CD34: variants seen among roughly 807,000 people sequenced by gnomAD.
CD34 encodes hematopoietic progenitor cell antigen CD34.
In CD34, 34 loss-of-function variants were observed where a neutral mutation model predicts 40.1. The ratio of observed to expected loss-of-function variants is 0.85; its 90% CI spans 0.65 to 1.13. The LOEUF (loss-of-function observed/expected upper bound fraction) is 1.13, where lower values mean the gene tolerates loss of function less well. CD34 is among the 50% of genes most tolerant of loss of function. The probability of loss-of-function intolerance (pLI) is 0.00; values close to 1 mark genes in which losing one functional copy is unlikely to be tolerated. For missense variants in CD34, 426 were observed against 466.9 expected (o/e 0.91, Z 0.81); for synonymous variants, 209 against 190.0 (o/e 1.10, Z -0.82).
At chr1:207,900,326 A>T (rs1463709270) in intron 1 of CD34, among the ~76,000 whole-genome samples, 1 of 152,240 alleles carries the variant, frequency 6.6e-6, no homozygotes, top group East Asian at 1.9e-4. Context: ...ATATAATCAT[A>T]TAAACAAACA....
chr1:207,888,033 G>T, intron 7 of CD34, 110 bp from the exon 8 acceptor site: 1 of 1,577,186 alleles, frequency 6.3e-7, no homozygotes, highest in East Asian at 2.3e-5. Context: ...GAAGGGGGAG[G>T]GGGAGGTGGG....
At chr1:207,901,605 G>A (rs2102303662) in intron 1 of CD34, among the ~76,000 whole-genome samples, 1 of 152,358 alleles carries the variant, frequency 6.6e-6, no homozygotes, top group East Asian at 1.9e-4. Context: ...GCTGCACTGT[G>A]GCAGTGAATT....
intron 1 of CD34, among the ~76,000 whole-genome samples, chr1:207,900,312 CATT>C (rs750740540): frequency 1.1e-4 from 17 of 152,168 alleles, no homozygotes; most frequent in Non-Finnish European, 1.9e-4. Context: ...ATACCATAAT[CATT>C]ATATAATCAT....
At position 207,887,896 on chromosome 1, in the gene CD34, C is replaced by A. The variant is rs750812013; in HGVS notation, c.1000G>T (p.Gly334Cys). 6.2e-7 allele frequency: 1 copy of A among 1,614,038 alleles called. No individual in the cohort carries two copies. The change falls in exon 8 of 8, where the codon GGT (glycine) becomes TGT (cysteine). Residue 334 changes from glycine to cysteine, a missense_variant. Gly to Cys is a radical substitution (Grantham distance 159). Transcript: ENST00000310833. ...LGEDPYYTEN[G>C]GGQGYSSGPG... ...CCTGAGCTATAGCCCTGGCCTCCACCGTTTTCCGTGTAATAAGGGTCTTCG... is the reference window on the plus strand; with the variant it reads ...CCTGAGCTATAGCCCTGGCCTCCACAGTTTTCCGTGTAATAAGGGTCTTCG...
intron 1 of CD34, among the ~76,000 whole-genome samples, chr1:207,909,844 C>T (rs1477748502): frequency 6.6e-6 from 1 of 152,240 alleles, no homozygotes; most frequent in Non-Finnish European, 1.5e-5. Flanking sequence ...AGAGCTTCCT[C>T]CAGCCCAGGG....
At chr1:207,899,358 C>T in intron 2 of CD34, 132 bp from the exon 3 acceptor site, 1 of 882,286 alleles carries the variant, frequency 1.1e-6, no homozygotes, top group Non-Finnish European at 1.8e-6. Flanking sequence ...CTTCGTGTCC[C>T]ATCCCTGACC....
rs202201441 is a variant in CD34, at chr1:207,887,809, C to A, written c.1087G>T (p.Gly363Trp). ...TTTCTGGAGGTGGCCTGGCCGGTCC[C>A]GTTTTCCTGAGCCCCTCGGTTCACA... ...ASVNRGAQEN[G>W]TGQATSRNGH... The change falls in exon 8 of 8, where the codon GGG (glycine) becomes TGG (tryptophan). Residue 363 changes from glycine (G) to tryptophan (W), a missense_variant. Coordinates refer to ENST00000310833, the MANE Select transcript of CD34 (RefSeq NM_001025109.2). The A allele has an allele frequency of 1.4e-5, 23 of 1,614,080 alleles. No individual in the cohort carries two copies. The highest frequency in any genetic ancestry group is 1.9e-5 in the Non-Finnish European group (23 of 1,180,040).
chr1:207,907,429 C>A (rs1055006828), intron 1 of CD34, among the ~76,000 whole-genome samples: 2 of 152,120 alleles, frequency 1.3e-5, no homozygotes, highest in African/African-American at 4.8e-5. Context: ...TCCTGCCTAC[C>A]TTTGCTCATC....
intron 4 of CD34, among the ~76,000 whole-genome samples, chr1:207,892,756 G>A (rs1273343363): frequency 6.6e-6 from 1 of 152,086 alleles, no homozygotes; most frequent in East Asian, 1.9e-4. Flanking sequence ...TGACTAGATT[G>A]TAAGACTCCT....
chr1:207,889,130 C>G, intron 6 of CD34, 31 bp downstream of exon 6: 3 of 1,347,866 alleles, frequency 2.2e-6, no homozygotes, highest in Non-Finnish European at 3.2e-6. Flanking sequence ...CCCGGCATTC[C>G]CTCTCAGGCC....
chr1:207,898,917 G>C (rs1383114616), intron 3 of CD34, 56 bp downstream of exon 3: 1 of 1,583,074 alleles, frequency 6.3e-7, no homozygotes, highest in Non-Finnish European at 8.7e-7. Flanking sequence ...GAAACAGCTT[G>C]CCTGCATACA....
In CD34 at chr1:207,889,460, C is replaced by CTT; in HGVS notation, c.754+3_754+4dup. 1 of 1,608,514 alleles carries CTT rather than the reference C, an allele frequency of 6.2e-7. No homozygotes were observed. Among genetic ancestry groups the CTT allele is most frequent in the Non-Finnish European group, 8.5e-7 (1 of 1,176,542 alleles). On this transcript the variant is annotated splice_donor_region_variant and intron_variant, in intron 5 of 7. Transcript: ENST00000310833. Reference sequence around the variant, plus strand: ...CCTGTTCCCCCAGGCAGAGGTGCACCTTACCTGTTCTGTTGGCCAAGACCA... The same window carrying CTT: ...CCTGTTCCCCCAGGCAGAGGTGCACCTTTTACCTGTTCTGTTGGCCAAGACCA...
intron 1 of CD34, among the ~76,000 whole-genome samples, chr1:207,906,712 C>T (rs1322113114): frequency 3.3e-5 from 5 of 152,044 alleles, no homozygotes; most frequent in Admixed American, 1.3e-4. Flanking sequence ...GGCATGGTGG[C>T]GCATGCCTGT....
At chr1:207,889,112 C>CT (rs749780151) in intron 6 of CD34, 49 bp downstream of exon 6, 2 of 1,154,782 alleles carry the variant, frequency 1.7e-6, no homozygotes, top group Admixed American at 3.4e-5. Context: ...TCCAGGGAGC[C>CT]CCCCTGCCCC....
At chr1:207,895,872 G>A (rs1365357330) in intron 4 of CD34, among the ~76,000 whole-genome samples, 1 of 152,184 alleles carries the variant, frequency 6.6e-6, no homozygotes, top group Non-Finnish European at 1.5e-5. Context: ...AATGAGTTGA[G>A]TTGAAAATCA....
At chr1:207,906,278 T>C (rs1202439174) in intron 1 of CD34, among the ~76,000 whole-genome samples, 1 of 152,154 alleles carries the variant, frequency 6.6e-6, no homozygotes, top group Non-Finnish European at 1.5e-5. Context: ...GGAAAAAGTG[T>C]AAAATGATGT....
intron 1 of CD34, 76 bp downstream of exon 1, chr1:207,910,926 G>A: frequency 7.2e-7 from 1 of 1,391,176 alleles, no homozygotes; most frequent in Non-Finnish European, 9.9e-7. Flanking sequence ...ACTCTGCTCT[G>A]CTGTTCAGCC....
At chr1:207,906,313 C>T (rs1252990927) in intron 1 of CD34, among the ~76,000 whole-genome samples, 1 of 152,104 alleles carries the variant, frequency 6.6e-6, no homozygotes, top group African/African-American at 2.4e-5. Context: ...ATGAAATGAG[C>T]CACTTTGGGA....
rs1571776515 is a variant in CD34, at chr1:207,901,614, T to A, written c.80-1611A>T. Among the ~76,000 whole-genome samples the A allele has an allele frequency of 2.0e-5, 3 of 152,236 alleles. No individual in the cohort carries two copies. In the South Asian group the frequency reaches 6.2e-4, roughly 32 times the overall value. ...TGCTAAGCTGCACTGTGGCAGTGAA[T>A]TCCAAGAATCTGAGCATCCCAAATT... On this transcript the variant is annotated intron_variant, in intron 1 of 7. Transcript: ENST00000310833.
Sources: allele counts gnomAD v4.1 joint callset (sites outside exome capture counted in the v4.1 genomes callset), GRCh38; gene constraint gnomAD v4.1.1; transcripts MANE v1.5; gene names NCBI Gene and HGNC (gene_info 2026-07-23, HGNC 2026-07-21).